The following NWD2 variants were observed in gnomAD, a reference collection of about 807,000 sequenced individuals.
The protein encoded by NWD2 is NACHT and WD repeat domain containing 2.
Under a neutral mutation model 132.7 loss-of-function variants are expected in NWD2, and 37 were observed. That is an observed-to-expected ratio of 0.28 (90% CI 0.21 to 0.37). The LOEUF is 0.37. Ranked by LOEUF, NWD2 falls within the 10% of genes least tolerant of loss-of-function variation. NWD2 has a pLI of 1.00. For missense variants in NWD2, 1,592 were observed against 2,122.4 expected (o/e 0.75, Z 4.91); for synonymous variants, 705 against 803.0 (o/e 0.88, Z 2.06).
chr4:37,322,305 G>C (rs1400175467), intron 1 of NWD2, among the ~76,000 whole-genome samples: 1 of 152,116 alleles, frequency 6.6e-6, no homozygotes, highest in African/African-American at 2.4e-5. Context: ...GGTAGTAGAA[G>C]GTGATTCAGT....
intron 6 of NWD2, among the ~76,000 whole-genome samples, chr4:37,442,908 C>G (rs998913837): frequency 6.6e-6 from 1 of 151,740 alleles, no homozygotes; most frequent in African/African-American, 2.4e-5. Context: ...TACTGTGTGC[C>G]AACAACTGCA....
Position 37,439,044 on chromosome 4 carries a change from T to G in NWD2, c.950T>G (p.Val317Gly). The G allele has an allele frequency of 6.4e-7, 1 of 1,551,736 alleles. No individual in the cohort carries two copies. Among genetic ancestry groups the G allele is most frequent in the Non-Finnish European group, 8.7e-7 (1 of 1,146,970 alleles). The change falls in exon 6 of 7, where the codon GTG becomes GGG. Residue 317 changes from valine (V) to glycine (G), a missense_variant. This residue lies in a region of NWD2 where 1,071 missense variants were observed against 1,398.0 expected (regional missense o/e 0.77). Coordinates refer to ENST00000309447, the MANE Select transcript of NWD2 (RefSeq NM_001144990.2). The surrounding 1 kb of genome is among the most constrained non-coding windows in gnomAD (Gnocchi z 4.5). ...ATTGTTGCATCATCTAATCTGAGAG[T>G]GTACACATCTGTTACTCATTGTGAC... ...PTIVASSNLR[V>G]YTSVTHCDMK...
Position 37,443,959 on chromosome 4 carries a change from G to T in NWD2, c.1971G>T (p.Leu657=). ...WSLEKKCGQK[L]VSRALGYITM... is the part of the protein sequence containing the mutation. ...TGGAGAAGAAGTGTGGTCAGAAACT[G>T]GTCTCTAGGGCTCTTGGTTACATCA... The change falls in exon 7 of 7, where the codon CTG becomes CTT. Residue 657 remains leucine (L), a synonymous_variant. Transcript: ENST00000309447. This position sits in a 1 kb window ranked among gnomAD's most constrained non-coding sequence, Gnocchi z 4.1. 6.4e-7 allele frequency: 1 copy of T among 1,552,330 alleles called. No individual in the cohort carries two copies. Among genetic ancestry groups the T allele is most frequent in the Non-Finnish European group, 8.7e-7 (1 of 1,147,146 alleles).
chr4:37,435,806 G>T (rs989142440), intron 5 of NWD2, among the ~76,000 whole-genome samples: 3 of 151,996 alleles, frequency 2.0e-5, no homozygotes, highest in Admixed American at 1.3e-4. Context: ...TCTGCTTGGG[G>T]TTATATCTCC....
At chr4:37,355,395 C>A (rs1313374818) in intron 2 of NWD2, among the ~76,000 whole-genome samples, 1 of 152,234 alleles carries the variant, frequency 6.6e-6, no homozygotes, top group East Asian at 1.9e-4. Flanking sequence ...CTGGAACAAG[C>A]CAGATCTGTG....
rs1712533079 is a variant in NWD2 at position 37,443,273 on chromosome 4, T to G, written c.1297-12T>G. 3 of 1,543,254 alleles carry G rather than the reference T, an allele frequency of 1.9e-6. No homozygotes were observed. Among genetic ancestry groups the G allele is most frequent in the Non-Finnish European group, 1.8e-6 (2 of 1,140,542 alleles). ...ACATATTACCATTCTAAACTCCACT[T>G]TTGTGTTTCAGGCTTATGGCTGGCT... On this transcript the variant is annotated splice_polypyrimidine_tract_variant and intron_variant, in intron 6 of 6. Transcript: ENST00000309447. This position sits in a 1 kb window ranked among gnomAD's most constrained non-coding sequence, Gnocchi z 4.1.
chr4:37,285,546 ATTG>A (rs2109269943), intron 1 of NWD2, among the ~76,000 whole-genome samples: 1 of 152,204 alleles, frequency 6.6e-6, no homozygotes, highest in South Asian at 2.1e-4. Context: ...ATGATTGGGG[ATTG>A]TTCTCACAAA....
chr4:37,313,542 G>C (rs1718894991), intron 1 of NWD2, among the ~76,000 whole-genome samples: 1 of 150,874 alleles, frequency 6.6e-6, no homozygotes, highest in East Asian at 1.9e-4. Context: ...AGTCTTGCTA[G>C]CGGTCTATCA....
intron 1 of NWD2, among the ~76,000 whole-genome samples, chr4:37,258,870 T>C (rs186850770): frequency 1.7e-4 from 26 of 152,364 alleles, no homozygotes; most frequent in Admixed American, 1.3e-3. Context: ...GGAAAATTAG[T>C]CTTAACTATG....
chr4:37,386,656 T>G (rs1199237321), intron 3 of NWD2, among the ~76,000 whole-genome samples: 3 of 152,190 alleles, frequency 2.0e-5, no homozygotes, highest in African/African-American at 7.2e-5. Context: ...TATATTTGTT[T>G]GTAAACCTGC....
intron 1 of NWD2, among the ~76,000 whole-genome samples, chr4:37,266,983 T>C (rs181545914): frequency 6.6e-6 from 1 of 152,106 alleles, no homozygotes; most frequent in East Asian, 1.9e-4. Context: ...CTATGGAGTT[T>C]AATGACGAGA....
At chr4:37,377,053 T>C (rs1720361873) in intron 3 of NWD2, among the ~76,000 whole-genome samples, 1 of 152,214 alleles carries the variant, frequency 6.6e-6, no homozygotes, top group Non-Finnish European at 1.5e-5. Flanking sequence ...GCAGAATTCT[T>C]AGAAATACTC....
At chr4:37,388,742 T>C (rs889636236) in intron 3 of NWD2, among the ~76,000 whole-genome samples, 14 of 144,554 alleles carry the variant, frequency 9.7e-5, no homozygotes, top group Admixed American at 8.4e-4. Context: ...ATCATAAAAT[T>C]TGCCATTTTT....
chr4:37,412,387 A>G (rs1171286812), intron 3 of NWD2, among the ~76,000 whole-genome samples: 1 of 152,156 alleles, frequency 6.6e-6, no homozygotes, highest in Non-Finnish European at 1.5e-5. Context: ...CACAATTGCT[A>G]CTAAGATAAT....
intron 2 of NWD2, among the ~76,000 whole-genome samples, chr4:37,337,545 A>C (rs1018683886): frequency 6.6e-6 from 1 of 152,192 alleles, no homozygotes; most frequent in African/African-American, 2.4e-5. Flanking sequence ...AAAGGGGTGC[A>C]TGCTTATCCT....
At chr4:37,396,784 G>T (rs769604475) in intron 3 of NWD2, among the ~76,000 whole-genome samples, 2 of 152,158 alleles carry the variant, frequency 1.3e-5, no homozygotes, top group Non-Finnish European at 2.9e-5. Context: ...TGTAATCCCA[G>T]CACTTTGGAA....
chr4:37,255,708 G>A (rs1359992613), intron 1 of NWD2, among the ~76,000 whole-genome samples: 1 of 152,180 alleles, frequency 6.6e-6, no homozygotes, highest in African/African-American at 2.4e-5. Context: ...TCATAAGGGA[G>A]GACTGAGGCC....
At chr4:37,313,032 A>G (rs1396095730) in intron 1 of NWD2, among the ~76,000 whole-genome samples, 3 of 151,014 alleles carry the variant, frequency 2.0e-5, no homozygotes, top group Admixed American at 6.6e-5. Context: ...CGGTTTGCCA[A>G]TATTTTATTG....
At chr4:37,424,344 A>C (rs969145151) in intron 3 of NWD2, among the ~76,000 whole-genome samples, 5 of 152,160 alleles carry the variant, frequency 3.3e-5, no homozygotes, top group African/African-American at 1.2e-4. Flanking sequence ...ATTAAATTTA[A>C]AGCCCCATAT....
Sources: allele counts gnomAD v4.1 joint callset (sites outside exome capture counted in the v4.1 genomes callset), GRCh38; gene constraint gnomAD v4.1.1; regional missense constraint gnomAD v4.1.1; non-coding constraint Gnocchi (gnomAD v3.1); transcripts MANE v1.5; gene names NCBI Gene and HGNC (gene_info 2026-07-23, HGNC 2026-07-21).